IL1RAPL1: variants seen among roughly 807,000 people sequenced by gnomAD.
The protein encoded by IL1RAPL1 is interleukin-1 receptor accessory protein-like 1.
In IL1RAPL1, 3 loss-of-function variants were observed where a neutral mutation model predicts 48.4. The ratio of observed to expected loss-of-function variants is 0.06; its 90% confidence interval spans 0.03 to 0.16. The LOEUF (loss-of-function observed/expected upper bound fraction) is 0.16. IL1RAPL1 is among the 10% of genes least tolerant of loss of function. The pLI is 1.00. For missense variants in IL1RAPL1, 349 were observed against 530.6 expected, an observed-to-expected ratio of 0.66 and a Z score of 3.36; for synonymous variants, 185 against 187.7, an observed-to-expected ratio of 0.99 and a Z score of 0.12.
chrX:29,921,047 G>A (rs1461212349), intron 8 of IL1RAPL1, among the ~76,000 whole-genome samples: 2 of 111,215 alleles, frequency 1.8e-5, no homozygotes, highest in Non-Finnish European at 3.8e-5. Context: ...GTGGTTAAGT[G>A]CAATGTCTGT....
At chrX:28,875,623 A>G (rs965412234) in intron 2 of IL1RAPL1, among the ~76,000 whole-genome samples, 15 of 111,261 alleles carry the variant, frequency 1.3e-4, no homozygotes, top group Non-Finnish European at 2.8e-4. Context: ...TCTTTGGATT[A>G]TGGGGGTGGA....
At chrX:29,177,656 A>C (rs1022342235) in intron 2 of IL1RAPL1, among the ~76,000 whole-genome samples, 2 of 112,206 alleles carry the variant, frequency 1.8e-5, no homozygotes, top group East Asian at 2.8e-4. Flanking sequence ...CAGGTTTGTT[A>C]CATAGGTATA....
chrX:28,757,582 G>A (rs1601889565), intron 1 of IL1RAPL1, among the ~76,000 whole-genome samples: 2 of 111,771 alleles, frequency 1.8e-5, no homozygotes, highest in Middle Eastern at 4.7e-3. Flanking sequence ...GTTCTAGGCT[G>A]TGAAGGTGGT....
At chrX:28,821,434 CAG>C (rs200813551) in intron 2 of IL1RAPL1, among the ~76,000 whole-genome samples, 1,974 of 110,773 alleles carry the variant, frequency 0.018, 42 homozygotes, top group African/African-American at 0.061. Context: ...GTTCCAGTAA[CAG>C]TATGTAAAAT....
intron 5 of IL1RAPL1, among the ~76,000 whole-genome samples, chrX:29,644,162 A>T (rs1422343098): frequency 1.8e-5 from 2 of 112,364 alleles, no homozygotes. Context: ...GTATCTAATG[A>T]AGGAATCTGT....
chrX:28,916,073 G>T (rs1020228295), intron 2 of IL1RAPL1, among the ~76,000 whole-genome samples: 7 of 110,428 alleles, frequency 6.3e-5, no homozygotes, highest in African/African-American at 2.3e-4. Context: ...GCATTTTGAT[G>T]GGCTGATTGT....
chrX:29,735,376 C>T (rs1247941336), intron 6 of IL1RAPL1, among the ~76,000 whole-genome samples: 1 of 111,785 alleles, frequency 8.9e-6, no homozygotes, highest in Admixed American at 9.5e-5. Context: ...TTAGGGTCAG[C>T]TGATAGCAAT....
intron 6 of IL1RAPL1, among the ~76,000 whole-genome samples, chrX:29,757,805 C>A (rs995301154): frequency 2.7e-5 from 3 of 111,470 alleles, no homozygotes; most frequent in Non-Finnish European, 5.7e-5. Context: ...CTGTTTGACA[C>A]CAATATATGT....
intron 1 of IL1RAPL1, among the ~76,000 whole-genome samples, chrX:28,755,472 C>T (rs752136029): frequency 5.3e-5 from 6 of 112,476 alleles, no homozygotes; most frequent in African/African-American, 1.9e-4. Context: ...AGGCTAGGAG[C>T]TTCCACCTTG....
intron 5 of IL1RAPL1, among the ~76,000 whole-genome samples, chrX:29,481,627 A>C (rs1317699974): frequency 9.0e-6 from 1 of 111,545 alleles, no homozygotes; most frequent in African/African-American, 3.3e-5. Context: ...TTATAAAGAG[A>C]GTCCATTTTA....
Position 29,656,448 on chromosome X carries a change from C to A in IL1RAPL1, c.704-11982C>A, listed in dbSNP as rs1925683335. On this transcript the variant is annotated intron_variant, in intron 5 of 10. Transcript: ENST00000378993. The stretch of plus-strand genomic sequence containing the variant: ...CATCCTTCCCCCAACTCCCCAGAGT[C>A]CATTATGTCATTCTTATGCATTTGT... Among the ~76,000 whole-genome samples the A allele has an allele frequency of 2.7e-5, 3 of 110,245 alleles. No individual in the cohort carries two copies. In the South Asian group the frequency reaches 1.2e-3, roughly 43 times the overall value.
At chrX:29,144,801 A>C (rs1349765064) in intron 2 of IL1RAPL1, among the ~76,000 whole-genome samples, 2 of 102,806 alleles carry the variant, frequency 1.9e-5, no homozygotes, top group Non-Finnish European at 3.9e-5. Context: ...ATCTCAGCTC[A>C]CTTCAACCTC....
At chrX:29,512,443 A>G (rs190929237) in intron 5 of IL1RAPL1, among the ~76,000 whole-genome samples, 119 of 112,041 alleles carry the variant, frequency 1.1e-3, no homozygotes, top group African/African-American at 3.7e-3. Context: ...AAAATAATGT[A>G]ATGATGAATC....
At chrX:29,954,448 A>G in intron 9 of IL1RAPL1, 74 bp from the exon 10 acceptor site, 1 of 869,243 alleles carries the variant, frequency 1.2e-6, no homozygotes, top group East Asian at 3.2e-5. Flanking sequence ...TATGAAAAAA[A>G]GTGCATGTTT....
At chrX:28,594,218 G>T (rs1933930992) in intron 1 of IL1RAPL1, among the ~76,000 whole-genome samples, 1 of 111,287 alleles carries the variant, frequency 9.0e-6, no homozygotes, top group Non-Finnish European at 1.9e-5. Context: ...AAAGGTAAGT[G>T]CGTATGGTGG....
chrX:29,538,504 A>G (rs1019843151), intron 5 of IL1RAPL1, among the ~76,000 whole-genome samples: 1 of 107,433 alleles, frequency 9.3e-6, no homozygotes, highest in Non-Finnish European at 1.9e-5. Flanking sequence ...CTCCCAGCTA[A>G]TTTTTGTATT....
At chrX:29,843,852 A>G (rs1175351408) in intron 6 of IL1RAPL1, among the ~76,000 whole-genome samples, 1 of 108,700 alleles carries the variant, frequency 9.2e-6, no homozygotes, top group Non-Finnish European at 1.9e-5. Context: ...GACTCGGACC[A>G]TTCTGCCTGC....
intron 5 of IL1RAPL1, among the ~76,000 whole-genome samples, chrX:29,565,204 G>T (rs1452543512): frequency 9.0e-6 from 1 of 110,674 alleles, no homozygotes; most frequent in African/African-American, 3.3e-5. Context: ...AATTTAAAAA[G>T]AAAACAGATA....
intron 2 of IL1RAPL1, among the ~76,000 whole-genome samples, chrX:29,100,880 A>G (rs995555084): frequency 8.9e-6 from 1 of 112,120 alleles, no homozygotes; most frequent in Non-Finnish European, 1.9e-5. Context: ...ACACTCAATA[A>G]ATAGTAACTA....
Sources: allele counts gnomAD v4.1 joint callset (sites outside exome capture counted in the v4.1 genomes callset), GRCh38; gene constraint gnomAD v4.1.1; transcripts MANE v1.5; gene names NCBI Gene and HGNC (gene_info 2026-07-23, HGNC 2026-07-21).